Variants in DNAH17 observed in about 807,000 individuals in gnomAD.
DNAH17 encodes the protein dynein axonemal heavy chain 17.
A neutral mutation model predicts 485.6 loss-of-function variants in DNAH17; 376 were observed. That is an observed-to-expected ratio of 0.77 (90% CI 0.71 to 0.84). The LOEUF (loss-of-function observed/expected upper bound fraction) is 0.84, where lower values mean the gene tolerates loss of function less well. Among genes scored for constraint, DNAH17 ranks in the 40% least tolerant of loss-of-function variants. The probability of loss-of-function intolerance (pLI) is 0.00; values close to 1 mark genes in which losing one functional copy is unlikely to be tolerated. For synonymous variants in DNAH17, 3,031 were observed against 2,405.9 expected (o/e 1.26, Z -7.60); for missense variants, 6,370 against 5,839.3 (o/e 1.09, Z -2.96).
intron 14 of DNAH17, among the ~76,000 whole-genome samples, chr17:78,557,639 A>C (rs954548089): frequency 7.8e-6 from 1 of 129,012 alleles, no homozygotes; most frequent in African/African-American, 4.0e-5. Flanking sequence ...ACTGTCTCAA[A>C]AAAAAAAAAA....
intron 60 of DNAH17, 64 bp downstream of exon 60, chr17:78,459,720 T>A: frequency 6.3e-7 from 1 of 1,584,710 alleles, no homozygotes; most frequent in Non-Finnish European, 8.6e-7. Context: ...CACCTCAGCA[T>A]CGTGCCTTGG....
In DNAH17 at chr17:78,473,138, G is replaced by C. The variant is rs8076129; in HGVS notation, c.8511+2140C>G. On this transcript the variant is annotated intron_variant, in intron 54 of 80. Transcript: ENST00000389840. Reference sequence around the variant, plus strand: ...GCCTATTACTATGGCAGCACCATTAGAACGATAATCATGTCGAATGGCTCA... The same window carrying C: ...GCCTATTACTATGGCAGCACCATTACAACGATAATCATGTCGAATGGCTCA... 6.3e-3 allele frequency among the ~76,000 whole-genome samples: 965 copies of C among 152,322 alleles called. 9 individuals carry two copies. The highest frequency in any genetic ancestry group is 0.022 in the African/African-American group (908 of 41,566).
chr17:78,554,000 G>A (rs62075920), intron 14 of DNAH17, among the ~76,000 whole-genome samples: 3 of 151,688 alleles, frequency 2.0e-5, no homozygotes, highest in African/African-American at 7.3e-5. Flanking sequence ...TTGCTATGTT[G>A]CCCAGGCTGG....
In DNAH17 at chr17:78,502,665, T is replaced by C. The variant is rs764161233; in HGVS notation, c.5116A>G (p.Thr1706Ala). The C allele has an allele frequency of 1.1e-5, 17 of 1,612,740 alleles. No homozygotes were observed. Among genetic ancestry groups the C allele is most frequent in the Non-Finnish European group, 1.4e-5 (16 of 1,179,930 alleles). The change falls in exon 33 of 81, where the codon ACC becomes GCC. Residue 1706 changes from threonine (T) to alanine (A), a missense_variant. Physicochemically the swap from Thr to Ala is moderately conservative, Grantham distance 58. Transcript: ENST00000389840. ...ALTCTQIWWT[T>A]EVGLAFARLE... is the part of the protein sequence containing the mutation. Reference sequence around the variant, plus strand: ...CTGGCAAATGCCAGGCCCACCTCGGTCGTCCACCAGATCTGGGTGCAAGTC... The same window carrying C: ...CTGGCAAATGCCAGGCCCACCTCGGCCGTCCACCAGATCTGGGTGCAAGTC...
In DNAH17 at chr17:78,500,378, G is replaced by A. The variant is rs201579518; in HGVS notation, c.5567C>T (p.Thr1856Met). Residue 1856 changes from threonine (T) to methionine (M), a missense_variant, in exon 36 of 81, where the codon ACG becomes ATG. By Grantham distance (81) the Thr-to-Met change is moderately conservative. Transcript: ENST00000389840. ...AGPAGTGKTETTKDLGRALGT... is the reference protein window; with the variant it reads ...AGPAGTGKTEMTKDLGRALGT... ...CAGGGCTCTGCCCAGGTCCTTGGTC[G>A]TCTCAGTCTTGCCGGTCCCAGCGGG... The A allele has an allele frequency of 7.0e-5, 113 of 1,612,266 alleles. No individual in the cohort carries two copies. The highest frequency in any genetic ancestry group is 8.4e-5 in the Non-Finnish European group (99 of 1,179,360).
At chr17:78,539,943 T>C (rs1447738415) in intron 17 of DNAH17, 63 bp from the exon 18 acceptor site, 1 of 1,466,874 alleles carries the variant, frequency 6.8e-7, no homozygotes, top group South Asian at 1.5e-5. Flanking sequence ...TTGATCACAC[T>C]GTTTAGTGCC....
intron 48 of DNAH17, among the ~76,000 whole-genome samples, chr17:78,482,554 T>C (rs1329600598): frequency 3.3e-5 from 5 of 152,222 alleles, no homozygotes; most frequent in African/African-American, 1.2e-4. Context: ...TGCCCTTCTG[T>C]GTGTGCCTCT....
chr17:78,510,283 G>A, intron 27 of DNAH17, 101 bp downstream of exon 27: 1 of 1,540,118 alleles, frequency 6.5e-7, no homozygotes. Context: ...TCCCGTGAGA[G>A]CCTTGGGGCT....
At chr17:78,564,636 T>A (rs958937009) in intron 11 of DNAH17, among the ~76,000 whole-genome samples, 1 of 152,102 alleles carries the variant, frequency 6.6e-6, no homozygotes, top group African/African-American at 2.4e-5. Flanking sequence ...AGAGCGAAAC[T>A]ACCTCCCAAC....
At chr17:78,447,771 T>C (rs1028957596) in intron 69 of DNAH17, among the ~76,000 whole-genome samples, 2 of 128,234 alleles carry the variant, frequency 1.6e-5, no homozygotes, top group African/African-American at 7.5e-5. Flanking sequence ...GGTTCAAAGT[T>C]TGAGTTTGAA....
In DNAH17 at chr17:78,563,923, CCGCTT is replaced by C. The variant is rs560648539; in HGVS notation, c.1570-1948_1570-1944del. Among the ~76,000 whole-genome samples the C allele has an allele frequency of 5.7e-4, 87 of 152,088 alleles. 1 individual carries two copies. The East Asian group carries it at 0.016, about 28-fold the overall frequency. On this transcript the variant is annotated intron_variant, in intron 11 of 80. Transcript: ENST00000389840. ...ATTTCTCCCCCTGCCTCCCTCCCCT[CCGCTT>C]TTCTTTGTTTTAAATTGAGCATAAA...
At chr17:78,453,605 A>AAC in intron 64 of DNAH17, 140 bp from the exon 65 acceptor site, 1 of 1,118,004 alleles carries the variant, frequency 8.9e-7, no homozygotes, top group Non-Finnish European at 1.2e-6. Context: ...ACTTGTTCCC[A>AAC]ACAGCTCGCC....
intron 31 of DNAH17, among the ~76,000 whole-genome samples, chr17:78,503,994 A>G (rs543327275): frequency 1.1e-5 from 1 of 93,698 alleles, no homozygotes; most frequent in Non-Finnish European, 2.2e-5. Context: ...CAAAAAACAA[A>G]TGAACAAAAA....
At position 78,494,988 on chromosome 17, in the gene DNAH17, T is replaced by C. The variant is rs1008863262; in HGVS notation, c.6013A>G (p.Thr2005Ala). 6.2e-7 allele frequency: 1 copy of C among 1,613,198 alleles called. No homozygotes were observed. Among genetic ancestry groups the C allele is most frequent in the Admixed American group, 1.7e-5 (1 of 59,922 alleles). ...TTCGAGAGCAGCTCCTTGCACAAGGTGTACAGGGTGATGAACTTCCTGGCC... is the reference window on the plus strand; with the variant it reads ...TTCGAGAGCAGCTCCTTGCACAAGGCGTACAGGGTGATGAACTTCCTGGCC... ...LLARKFITLY[T>A]LCKELLSKQD... is the part of the protein sequence containing the mutation. Residue 2005 changes from threonine to alanine, a missense_variant, in exon 39 of 81, where the codon ACC becomes GCC. Physicochemically the swap from Thr to Ala is moderately conservative, Grantham distance 58. Coordinates refer to ENST00000389840, the MANE Select transcript of DNAH17 (RefSeq NM_173628.4).
intron 77 of DNAH17, 51 bp from the exon 78 acceptor site, chr17:78,427,159 C>T (rs1218260772): frequency 6.5e-7 from 1 of 1,540,592 alleles, no homozygotes; most frequent in South Asian, 1.2e-5. Context: ...GCCCACCCCA[C>T]CCACTGCAGG....
intron 54 of DNAH17, among the ~76,000 whole-genome samples, chr17:78,470,514 C>A (rs1273121879): frequency 6.6e-6 from 1 of 151,934 alleles, no homozygotes; most frequent in Non-Finnish European, 1.5e-5. Flanking sequence ...CATGGTGAAA[C>A]CCCATCTCTA....
At chr17:78,549,820 C>T (rs1449565701) in intron 16 of DNAH17, among the ~76,000 whole-genome samples, 2 of 152,178 alleles carry the variant, frequency 1.3e-5, no homozygotes, top group Non-Finnish European at 2.9e-5. Context: ...CCGCCCAGAG[C>T]CTGCAGCCAA....
intron 73 of DNAH17, among the ~76,000 whole-genome samples, chr17:78,438,779 G>A (rs2146451028): frequency 6.6e-6 from 1 of 152,180 alleles, no homozygotes; most frequent in African/African-American, 2.4e-5. Flanking sequence ...GCCTACAGGT[G>A]TGAGCCACCG....
chr17:78,507,182 G>C, intron 29 of DNAH17, 96 bp downstream of exon 29: 2 of 1,432,110 alleles, frequency 1.4e-6, no homozygotes, highest in Middle Eastern at 2.2e-4. Context: ...GCCCTGTCCT[G>C]GCCAGCAGGC....
Sources: allele counts gnomAD v4.1 joint callset (sites outside exome capture counted in the v4.1 genomes callset), GRCh38; gene constraint gnomAD v4.1.1; transcripts MANE v1.5; gene names NCBI Gene and HGNC (gene_info 2026-07-23, HGNC 2026-07-21).